Variants in NEMP2 observed in about 807,000 individuals in gnomAD.
NEMP2 encodes the protein nuclear envelope integral membrane protein 2.
NEMP2 carries 53 observed loss-of-function variants against 54.2 expected under a neutral mutation model. That is an observed-to-expected ratio of 0.98 (90% CI 0.78 to 1.23). NEMP2 has a LOEUF of 1.23. NEMP2 is among the 50% of genes most tolerant of loss of function. NEMP2 has a pLI of 0.00. For synonymous variants in NEMP2, 197 were observed against 190.3 expected (o/e 1.04, Z -0.29); for missense variants, 455 against 511.3 (o/e 0.89, Z 1.06).
At chr2:190,587,330 A>C in the NEMP2 span, among the ~76,000 whole-genome samples, 1 of 152,158 alleles carries the variant, frequency 6.6e-6, no homozygotes, top group African/African-American at 2.4e-5. The surrounding 1 kb of genome is among the most constrained non-coding windows in gnomAD (Gnocchi z 5.4). Context: ...CCTGTAACCC[A>C]AGCTGCTGCA....
At chr2:190,475,365 A>C in the NEMP2 span, among the ~76,000 whole-genome samples, 1 of 152,228 alleles carries the variant, frequency 6.6e-6, no homozygotes, top group African/African-American at 2.4e-5. Flanking sequence ...ACTTCAGCAA[A>C]GTCTCAGGAT....
chr2:190,545,001 G>A, the NEMP2 span, among the ~76,000 whole-genome samples: 3 of 151,750 alleles, frequency 2.0e-5, no homozygotes, highest in Non-Finnish European at 4.4e-5. Context: ...TACTCAGGAG[G>A]CTGATGTAGG....
the NEMP2 span, chr2:190,628,820 TG>T: frequency 6.6e-6 from 1 of 152,212 alleles, no homozygotes; most frequent in Non-Finnish European, 1.5e-5. The surrounding 1 kb of genome is among the most constrained non-coding windows in gnomAD (Gnocchi z 4.1). Context: ...TCCTGGCTCT[TG>T]GTTCTAGTCC....
chr2:190,624,566 C>G, the NEMP2 span: 1 of 152,142 alleles, frequency 6.6e-6, no homozygotes, highest in Non-Finnish European at 1.5e-5. Flanking sequence ...CCTATGTGTC[C>G]ATCAATGGAT....
the NEMP2 span, among the ~76,000 whole-genome samples, chr2:190,574,611 A>G: frequency 1.3e-5 from 2 of 151,902 alleles, no homozygotes; most frequent in Non-Finnish European, 2.9e-5. Context: ...TCCCTCAACC[A>G]ACACTCCCAA....
the NEMP2 span, among the ~76,000 whole-genome samples, chr2:190,550,359 A>C: frequency 8.4e-4 from 128 of 152,246 alleles, no homozygotes; most frequent in African/African-American, 2.9e-3. This position sits in a 1 kb window ranked among gnomAD's most constrained non-coding sequence, Gnocchi z 4.7. Flanking sequence ...ATCTTTTATA[A>C]GGGCACTAAT....
the NEMP2 span, among the ~76,000 whole-genome samples, chr2:190,449,172 A>G: frequency 0.23 from 34,999 of 152,016 alleles, 4,909 homozygotes; most frequent in South Asian, 0.33. Context: ...GTGCAAATGC[A>G]TAGTATGTTG....
chr2:190,563,170 T>TA, the NEMP2 span, among the ~76,000 whole-genome samples: 1 of 152,202 alleles, frequency 6.6e-6, no homozygotes, highest in Non-Finnish European at 1.5e-5. This position sits in a 1 kb window ranked among gnomAD's most constrained non-coding sequence, Gnocchi z 4.3. Context: ...GACATTCACA[T>TA]ATGCAAGGTG....
At chr2:190,622,638 C>T in the NEMP2 span, among the ~76,000 whole-genome samples, 3 of 151,898 alleles carry the variant, frequency 2.0e-5, no homozygotes, top group Non-Finnish European at 2.9e-5. Context: ...CACCAAAGCA[C>T]GACAACAAAA....
the NEMP2 span, among the ~76,000 whole-genome samples, chr2:190,568,958 A>G: frequency 6.6e-6 from 1 of 152,222 alleles, no homozygotes; most frequent in Non-Finnish European, 1.5e-5. This position sits in a 1 kb window ranked among gnomAD's most constrained non-coding sequence, Gnocchi z 4.7. Flanking sequence ...GTCATAGATA[A>G]TAATATCTGG....
the NEMP2 span, among the ~76,000 whole-genome samples, chr2:190,468,471 G>C: frequency 9.2e-6 from 1 of 108,436 alleles, no homozygotes; most frequent in Non-Finnish European, 2.1e-5. Flanking sequence ...TTTTTTTTTT[G>C]AGACAGGGTC....
chr2:190,552,241 T>C, the NEMP2 span, among the ~76,000 whole-genome samples: 1 of 152,230 alleles, frequency 6.6e-6, no homozygotes, highest in Non-Finnish European at 1.5e-5. Flanking sequence ...CAGATGCTGA[T>C]ATAATTCAGG....
chr2:190,423,552 G>A, the NEMP2 span, among the ~76,000 whole-genome samples: 2 of 152,094 alleles, frequency 1.3e-5, no homozygotes, highest in African/African-American at 2.4e-5. The surrounding 1 kb of genome is among the most constrained non-coding windows in gnomAD (Gnocchi z 4.3). Context: ...AAGGGCTTTT[G>A]GGTTGTCTCC....
In NEMP2 at chr2:190,533,103, C is replaced by T. The variant is rs1459092572; in HGVS notation, c.97+1456G>A. Reference sequence around the variant, plus strand: ...CAGGTTCACTGAGGTGAGGAAAATACTGGAAACTCTTCAGTAAAAACATCT... The same window carrying T: ...CAGGTTCACTGAGGTGAGGAAAATATTGGAAACTCTTCAGTAAAAACATCT... On this transcript the variant is annotated intron_variant, in intron 1 of 8. Coordinates refer to ENST00000409150, the MANE Select transcript of NEMP2 (RefSeq NM_001142645.2). This position sits in a 1 kb window ranked among gnomAD's most constrained non-coding sequence, Gnocchi z 4.3. Among the ~76,000 whole-genome samples, 3 of 152,282 alleles carry T rather than the reference C, an allele frequency of 2.0e-5. No individual in the cohort carries two copies. The highest frequency in any genetic ancestry group is 3.4e-3 in the Middle Eastern group (1 of 294).
In NEMP2 at chr2:190,525,424, C is replaced by A. The variant is rs750753634; in HGVS notation, c.98-46G>T. ...TGCATTTTCTAACTGTTTAATTGCCCAGAATCTTTTTTAAAAAAAGTTTGC... is the reference window on the plus strand; with the variant it reads ...TGCATTTTCTAACTGTTTAATTGCCAAGAATCTTTTTTAAAAAAAGTTTGC... On this transcript the variant is annotated intron_variant, in intron 1 of 8. Coordinates refer to ENST00000409150, the MANE Select transcript of NEMP2 (RefSeq NM_001142645.2). The surrounding 1 kb of genome is among the most constrained non-coding windows in gnomAD (Gnocchi z 5.0). 4 of 1,170,328 alleles carry A rather than the reference C, an allele frequency of 3.4e-6. No homozygotes were observed. The highest frequency in any genetic ancestry group is 3.1e-5 in the African/African-American group (2 of 64,290). 72.5% of individuals were successfully genotyped at this position (1,170,328 alleles called of 1,614,324 possible).
the NEMP2 span, among the ~76,000 whole-genome samples, chr2:190,432,026 T>C: frequency 6.6e-6 from 1 of 152,236 alleles, no homozygotes; most frequent in African/African-American, 2.4e-5. Context: ...TAGTGTTTCC[T>C]GTTTTGGTTC....
chr2:190,517,120 G>C (rs1328436915), intron 5 of NEMP2, among the ~76,000 whole-genome samples: 1 of 149,026 alleles, frequency 6.7e-6, no homozygotes, highest in Non-Finnish European at 1.5e-5. Context: ...AAGAAGGTGG[G>C]TTGGGGAACT....
At chr2:190,423,201 T>C in the NEMP2 span, among the ~76,000 whole-genome samples, 2 of 152,194 alleles carry the variant, frequency 1.3e-5, no homozygotes, top group East Asian at 3.8e-4. The surrounding 1 kb of genome is among the most constrained non-coding windows in gnomAD (Gnocchi z 4.3). Context: ...ACCATTGACA[T>C]TGAGGCAGTC....
the NEMP2 span, among the ~76,000 whole-genome samples, chr2:190,591,674 T>C: frequency 7.9e-5 from 12 of 152,180 alleles, no homozygotes; most frequent in Non-Finnish European, 4.4e-5. This position sits in a 1 kb window ranked among gnomAD's most constrained non-coding sequence, Gnocchi z 5.4. Flanking sequence ...TTCACACACA[T>C]GCGATAGCTA....
Sources: allele counts gnomAD v4.1 joint callset (sites outside exome capture counted in the v4.1 genomes callset), GRCh38; gene constraint gnomAD v4.1.1; non-coding constraint Gnocchi (gnomAD v3.1); transcripts MANE v1.5; gene names NCBI Gene and HGNC (gene_info 2026-07-23, HGNC 2026-07-21).